The following ABCA9 variants were observed in gnomAD, a reference collection of about 807,000 sequenced individuals.
The protein encoded by ABCA9 is ATP-binding cassette sub-family A member 9.
A neutral mutation model predicts 205.3 loss-of-function variants in ABCA9; 183 were observed. The observed-to-expected ratio is 0.89, with a 90% CI of 0.79 to 1.01. ABCA9 has a LOEUF of 1.01. ABCA9 is among the 50% of genes least tolerant of loss of function. The probability of loss-of-function intolerance (pLI) is 0.00; values close to 1 mark genes in which losing one functional copy is unlikely to be tolerated. For synonymous variants in ABCA9, 651 were observed against 683.3 expected (o/e 0.95, Z 0.74); for missense variants, 1,805 against 1,912.4 (o/e 0.94, Z 1.05).
chr17:69,039,537 C>A (rs1158846895), intron 6 of ABCA9, among the ~76,000 whole-genome samples: 2 of 152,070 alleles, frequency 1.3e-5, no homozygotes, highest in Non-Finnish European at 2.9e-5. Flanking sequence ...CTTCCTTACA[C>A]CTTATACAAA....
Position 68,998,417 on chromosome 17 carries a change from C to A in ABCA9, c.3436-2403G>T, listed in dbSNP as rs116501696. On this transcript the variant is annotated intron_variant, in intron 25 of 38. Transcript: ENST00000340001. ...TCCCTCAGATGTGTGAAAAGTGACA[C>A]ATGGAATTGTAGGAGATAAATCTGA... Among the ~76,000 whole-genome samples the A allele has an allele frequency of 2.0e-3, 300 of 152,242 alleles. 3 individuals are homozygous for A. Among genetic ancestry groups the A allele is most frequent in the African/African-American group, 6.8e-3 (282 of 41,524 alleles).
chr17:68,984,086 C>T lies in ABCA9; in HGVS notation c.4469G>A (p.Arg1490Gln), dbSNP rs770372382. 45 of 1,613,992 alleles carry T rather than the reference C, an allele frequency of 2.8e-5. No homozygotes were observed. The highest frequency in any genetic ancestry group is 2.5e-5 in the Non-Finnish European group (30 of 1,180,034). ...YMAEAEAVCD[R>Q]VAIMVSGRLR... The stretch of plus-strand genomic sequence containing the variant: ...CCTTCCTGACACCATGATGGCCACT[C>T]GGTCACACACCGCCTCAGCCTCTGC... The change falls in exon 35 of 39, where the codon CGA becomes CAA. Residue 1490 changes from arginine to glutamine, a missense_variant. Coordinates refer to ENST00000340001, the MANE Select transcript of ABCA9 (RefSeq NM_080283.4).
intron 1 of ABCA9, among the ~76,000 whole-genome samples, chr17:69,056,575 G>A (rs964646831): frequency 1.3e-5 from 2 of 152,138 alleles, no homozygotes; most frequent in South Asian, 4.1e-4. Context: ...GGTTCACTGG[G>A]AAATTCTATC....
intron 23 of ABCA9, among the ~76,000 whole-genome samples, chr17:69,010,411 G>A (rs1288956236): frequency 6.6e-6 from 1 of 152,070 alleles, no homozygotes; most frequent in Non-Finnish European, 1.5e-5. Context: ...AGGCCCAGAT[G>A]ATATTGGCAT....
At chr17:69,006,226 A>G in intron 25 of ABCA9, among the ~76,000 whole-genome samples, 1 of 152,200 alleles carries the variant, frequency 6.6e-6, no homozygotes, top group East Asian at 1.9e-4. Context: ...CTGTTTGGCA[A>G]GATCAACTAA....
At chr17:69,021,684 C>A in intron 18 of ABCA9, 58 bp downstream of exon 18, 1 of 1,036,974 alleles carries the variant, frequency 9.6e-7, no homozygotes, top group Non-Finnish European at 1.4e-6. Flanking sequence ...TTTCGTCCTT[C>A]CTTCCTTCCT....
At chr17:68,995,825 T>C in intron 26 of ABCA9, 70 bp downstream of exon 26, 1 of 1,575,562 alleles carries the variant, frequency 6.3e-7, no homozygotes, top group Non-Finnish European at 8.7e-7. Context: ...ATCTATATTT[T>C]TGCAATATTC....
At chr17:69,052,053 C>T (rs1218798876) in intron 1 of ABCA9, among the ~76,000 whole-genome samples, 4 of 152,044 alleles carry the variant, frequency 2.6e-5, no homozygotes, top group Admixed American at 6.6e-5. Flanking sequence ...AACTTTTACC[C>T]GGGACATCAT....
At chr17:69,008,352 G>A (rs183235121) in intron 23 of ABCA9, 117 bp from the exon 24 acceptor site, 20 of 933,688 alleles carry the variant, frequency 2.1e-5, no homozygotes, top group African/African-American at 2.0e-4. Flanking sequence ...ATATTATCCT[G>A]ATTTAGCAAA....
At chr17:69,072,395 C>A in the ABCA9 span, among the ~76,000 whole-genome samples, 1 of 152,184 alleles carries the variant, frequency 6.6e-6, no homozygotes, top group African/African-American at 2.4e-5. Flanking sequence ...AACAGTGGAT[C>A]TCTTGGCAGA....
intron 25 of ABCA9, among the ~76,000 whole-genome samples, chr17:69,002,601 G>T (rs975306751): frequency 6.6e-6 from 1 of 152,134 alleles, no homozygotes; most frequent in African/African-American, 2.4e-5. Context: ...CTGTTGATTT[G>T]GGGTGGAGAG....
chr17:69,045,149 T>C, intron 4 of ABCA9, 23 bp downstream of exon 4: 1 of 1,605,430 alleles, frequency 6.2e-7, no homozygotes, highest in Non-Finnish European at 8.5e-7. Context: ...GCAAAAAAAA[T>C]TTTTTTCTTC....
chr17:68,976,530 C>T (rs560674284), intron 37 of ABCA9, among the ~76,000 whole-genome samples: 10 of 152,320 alleles, frequency 6.6e-5, no homozygotes, highest in African/African-American at 2.4e-4. Context: ...ACTCCAAAGG[C>T]TGATGTAACA....
chr17:69,062,601 C>T (rs551533232), upstream of ABCA9, among the ~76,000 whole-genome samples: 47 of 152,256 alleles, frequency 3.1e-4, no homozygotes, highest in East Asian at 9.1e-3. Context: ...ACCTCTGCCT[C>T]CCAGGTTCAA....
At chr17:69,004,977 G>A (rs532539096) in intron 25 of ABCA9, among the ~76,000 whole-genome samples, 103 of 152,252 alleles carry the variant, frequency 6.8e-4, no homozygotes, top group Non-Finnish European at 1.2e-3. Flanking sequence ...GCCCTGCTTC[G>A]GCTCGTGCAT....
chr17:68,978,217 T>C (rs2068942144), intron 37 of ABCA9, among the ~76,000 whole-genome samples: 1 of 152,224 alleles, frequency 6.6e-6, no homozygotes, highest in South Asian at 2.1e-4. Flanking sequence ...TTTACCATTA[T>C]GTAATGGCCT....
At chr17:69,063,351 G>A (rs1430179183), upstream of ABCA9, among the ~76,000 whole-genome samples, 2 of 152,146 alleles carry the variant, frequency 1.3e-5, no homozygotes, top group African/African-American at 4.8e-5. Context: ...CTGGCTATTT[G>A]TAAGGAGGAC....
At position 69,060,839 on chromosome 17, in the gene ABCA9, T is replaced by C. The variant is rs1050819701; in HGVS notation, c.-14+27A>G. On this transcript the variant is annotated intron_variant, in intron 1 of 38. Transcript: ENST00000340001. ...TTATGTTATATTTCTATATGCAAAA[T>C]AACCACAATTTTAGAGGTTAACTTA... The C allele has an allele frequency of 6.1e-6, 6 of 984,356 alleles. No individual in the cohort carries two copies. The African/African-American group carries it at 1.0e-4, about 17-fold the overall frequency. 61.0% of individuals were successfully genotyped at this position (984,356 alleles called of 1,614,324 possible). A position where few individuals can be genotyped will look rare whatever the true frequency, so the allele number is the denominator to read the frequency against.
At chr17:69,078,451 C>T in the ABCA9 span, among the ~76,000 whole-genome samples, 2 of 152,164 alleles carry the variant, frequency 1.3e-5, no homozygotes, top group African/African-American at 4.8e-5. Context: ...CCTGCCTCGG[C>T]CTCCCAAAGT....
Sources: gnomAD v4.1 joint callset for allele counts (sites outside exome capture counted in the v4.1 genomes callset) on GRCh38, gnomAD v4.1.1 for gene constraint, MANE v1.5 for transcripts, NCBI Gene and HGNC (gene_info 2026-07-23, HGNC 2026-07-21) for gene names.